Variants in ZSWIM5 observed in about 807,000 individuals in gnomAD.
The protein encoded by ZSWIM5 is zinc finger SWIM-type containing 5.
ZSWIM5 carries 55 observed loss-of-function variants against 119.6 expected under a neutral mutation model. That is an observed-to-expected ratio of 0.46 (90% CI 0.37 to 0.58). ZSWIM5 has a LOEUF of 0.58. Ranked by LOEUF, ZSWIM5 falls within the 20% of genes least tolerant of loss-of-function variation. The pLI is 0.00. For missense variants in ZSWIM5, 1,193 were observed against 1,512.8 expected (o/e 0.79, Z 3.51); for synonymous variants, 537 against 606.9 (o/e 0.88, Z 1.69).
intron 1 of ZSWIM5, among the ~76,000 whole-genome samples, chr1:45,196,690 G>T (rs181574600): frequency 4.6e-5 from 7 of 152,072 alleles, no homozygotes; most frequent in Non-Finnish European, 7.4e-5. Flanking sequence ...ACGCCCGGCT[G>T]AAGCCCACAA....
At chr1:45,201,436 CTT>C (rs1331844036) in intron 1 of ZSWIM5, among the ~76,000 whole-genome samples, 1 of 152,050 alleles carries the variant, frequency 6.6e-6, no homozygotes, top group Admixed American at 6.6e-5. Flanking sequence ...ATATAGTAAA[CTT>C]GACTTTTTTG....
intron 2 of ZSWIM5, among the ~76,000 whole-genome samples, chr1:45,077,451 C>T (rs957795565): frequency 2.6e-5 from 4 of 151,946 alleles, no homozygotes; most frequent in African/African-American, 7.3e-5. Flanking sequence ...AGGGAGTGTG[C>T]GAATAGATGT....
intron 1 of ZSWIM5, among the ~76,000 whole-genome samples, chr1:45,160,008 G>A (rs1477093144): frequency 3.9e-5 from 6 of 152,070 alleles, no homozygotes. Context: ...CTTCATTTAA[G>A]TTTTAATTTC....
intron 1 of ZSWIM5, among the ~76,000 whole-genome samples, chr1:45,173,754 A>T (rs1451942965): frequency 6.6e-6 from 1 of 152,176 alleles, no homozygotes; most frequent in Middle Eastern, 3.2e-3. Flanking sequence ...AGCGCCCAGC[A>T]CTTTGTGTTA....
chr1:45,117,610 T>C (rs1365875169), intron 1 of ZSWIM5, among the ~76,000 whole-genome samples: 1 of 152,144 alleles, frequency 6.6e-6, no homozygotes, highest in African/African-American at 2.4e-5. Context: ...AGATTGAGGC[T>C]GCAGTGAGCC....
intron 1 of ZSWIM5, among the ~76,000 whole-genome samples, chr1:45,121,788 T>C (rs923518191): frequency 3.3e-5 from 5 of 152,028 alleles, no homozygotes; most frequent in African/African-American, 1.2e-4. Context: ...AGGGTCTCAC[T>C]ATGTTGCCCA....
chr1:45,152,500 G>A (rs1570155405), intron 1 of ZSWIM5, among the ~76,000 whole-genome samples: 1 of 151,644 alleles, frequency 6.6e-6, no homozygotes, highest in African/African-American at 2.4e-5. Flanking sequence ...ATAAGCAATG[G>A]GGAAAGGACT....
At chr1:45,119,999 C>G (rs77711707) in intron 1 of ZSWIM5, among the ~76,000 whole-genome samples, 3,134 of 152,264 alleles carry the variant, frequency 0.021, 115 homozygotes, top group African/African-American at 0.072. Context: ...CTAGATGAAC[C>G]CAATTGCCTG....
At chr1:45,069,201 T>C (rs570657339) in intron 2 of ZSWIM5, among the ~76,000 whole-genome samples, 3 of 151,950 alleles carry the variant, frequency 2.0e-5, no homozygotes, top group East Asian at 1.9e-4. Flanking sequence ...CCGAGGTGGG[T>C]GGATCACAAG....
At chr1:45,089,886 A>G (rs943597578) in intron 1 of ZSWIM5, among the ~76,000 whole-genome samples, 5 of 152,250 alleles carry the variant, frequency 3.3e-5, no homozygotes, top group Admixed American at 1.3e-4. Flanking sequence ...AATGATTACA[A>G]TATGATGTGC....
At chr1:45,166,040 CT>C (rs1388456982) in intron 1 of ZSWIM5, among the ~76,000 whole-genome samples, 1 of 152,098 alleles carries the variant, frequency 6.6e-6, no homozygotes, top group Non-Finnish European at 1.5e-5. Flanking sequence ...ACCAATATCC[CT>C]GATGAACATC....
chr1:45,101,873 T>C (rs1364661308), intron 1 of ZSWIM5, among the ~76,000 whole-genome samples: 2 of 151,998 alleles, frequency 1.3e-5, no homozygotes, highest in Non-Finnish European at 2.9e-5. Context: ...GGGAACATCA[T>C]ATCCCAGGGC....
chr1:45,028,416 T>C (rs552059954), intron 11 of ZSWIM5, among the ~76,000 whole-genome samples: 3 of 152,304 alleles, frequency 2.0e-5, no homozygotes, highest in South Asian at 2.1e-4. Context: ...ATAGACAACA[T>C]ATAGTTGAGT....
At chr1:45,054,461 A>G (rs1044431263) in intron 4 of ZSWIM5, among the ~76,000 whole-genome samples, 5 of 152,038 alleles carry the variant, frequency 3.3e-5, no homozygotes, top group African/African-American at 1.2e-4. Context: ...GCGCGCCTGT[A>G]GTCTCAGCTA....
intron 1 of ZSWIM5, among the ~76,000 whole-genome samples, chr1:45,118,410 T>A (rs1490116365): frequency 1.3e-5 from 2 of 152,210 alleles, no homozygotes; most frequent in African/African-American, 4.8e-5. Flanking sequence ...TTGATACTAA[T>A]TTCCTGAGTA....
At chr1:45,043,109 A>G in intron 6 of ZSWIM5, 110 bp downstream of exon 6, 2 of 1,136,552 alleles carry the variant, frequency 1.8e-6, no homozygotes, top group Non-Finnish European at 2.6e-6. Context: ...TATCTGTGTG[A>G]AAACTGTCCA....
At chr1:45,143,463 A>G (rs534079923) in intron 1 of ZSWIM5, among the ~76,000 whole-genome samples, 12 of 152,344 alleles carry the variant, frequency 7.9e-5, no homozygotes, top group Middle Eastern at 3.4e-3. Context: ...TCATGACTAA[A>G]AACAACAGCA....
chr1:45,146,750 G>A (rs545578686), intron 1 of ZSWIM5, among the ~76,000 whole-genome samples: 4 of 151,892 alleles, frequency 2.6e-5, no homozygotes, highest in East Asian at 1.9e-4. Context: ...AATTGTATAC[G>A]TACGTACTCA....
At position 45,088,292 on chromosome 1, in the gene ZSWIM5, T is replaced by C. The variant is rs1242232227; in HGVS notation, c.596-55A>G. 7.0e-6 allele frequency: 9 copies of C among 1,283,620 alleles called. No individual in the cohort carries two copies. In the East Asian group the frequency reaches 1.9e-4, roughly 27 times the overall value. The allele number at this position is 1,283,620 out of a possible 1,614,324, so 79.5% of individuals were successfully genotyped here. A position where few individuals can be genotyped will look rare whatever the true frequency, so the allele number is the denominator to read the frequency against. ...GAGATTCTAGAGTAATAAACTTAGA[T>C]TCTCATTTTACATGTAAATTCATCA... On this transcript the variant is annotated intron_variant, in intron 1 of 13. Coordinates refer to ENST00000359600, the MANE Select transcript of ZSWIM5 (RefSeq NM_020883.2). The surrounding 1 kb of genome is among the most constrained non-coding windows in gnomAD (Gnocchi z 4.2).
Sources: gnomAD v4.1 joint callset for allele counts (sites outside exome capture counted in the v4.1 genomes callset) on GRCh38, gnomAD v4.1.1 for gene constraint, Gnocchi (gnomAD v3.1) non-coding constraint, MANE v1.5 for transcripts, NCBI Gene and HGNC (gene_info 2026-07-23, HGNC 2026-07-21) for gene names.